The following PTPRD variants were observed in gnomAD, a reference collection of about 807,000 sequenced individuals.
PTPRD encodes protein tyrosine phosphatase receptor type D.
Under a neutral mutation model 214.5 loss-of-function variants are expected in PTPRD, and 34 were observed. That is an observed-to-expected ratio of 0.16 (90% confidence interval 0.12 to 0.21). The LOEUF is 0.21. Ranked by LOEUF, PTPRD falls within the 10% of genes least tolerant of loss-of-function variation. PTPRD has a pLI of 1.00. For missense variants in PTPRD, 2,545 were observed against 2,398.7 expected (o/e 1.06, Z -1.27); for synonymous variants, 1,128 against 845.7 (o/e 1.33, Z -5.79).
chr9:8,500,050 CAAAAAA>C (rs34424655), intron 24 of PTPRD, among the ~76,000 whole-genome samples: 2 of 78,338 alleles, frequency 2.6e-5, no homozygotes, highest in African/African-American at 9.9e-5. Flanking sequence ...ATGACCGATG[CAAAAAA>C]AAAAAAAAAA....
chr9:10,183,730 T>C (rs553969061), intron 3 of PTPRD, among the ~76,000 whole-genome samples: 3 of 152,236 alleles, frequency 2.0e-5, no homozygotes, highest in East Asian at 1.9e-4. Flanking sequence ...CAAGAAACAA[T>C]TGTAAAGTTA....
intron 3 of PTPRD, among the ~76,000 whole-genome samples, chr9:10,284,572 G>C (rs1462253041): frequency 6.6e-6 from 1 of 152,174 alleles, no homozygotes; most frequent in Non-Finnish European, 1.5e-5. Flanking sequence ...ATAATACTAT[G>C]TTATTATCTC....
chr9:8,829,799 T>G (rs2097252836), intron 11 of PTPRD, among the ~76,000 whole-genome samples: 1 of 152,302 alleles, frequency 6.6e-6, no homozygotes, highest in South Asian at 2.1e-4. Context: ...AACCATAATC[T>G]TCAGCAGGTC....
intron 4 of PTPRD, among the ~76,000 whole-genome samples, chr9:10,020,259 C>G (rs2096822441): frequency 6.6e-6 from 1 of 152,182 alleles, no homozygotes; most frequent in African/African-American, 2.4e-5. Flanking sequence ...CCGCACAATA[C>G]TATCCCCTAG....
At chr9:9,842,226 T>C (rs1318294584) in intron 5 of PTPRD, among the ~76,000 whole-genome samples, 1 of 151,754 alleles carries the variant, frequency 6.6e-6, no homozygotes, top group Non-Finnish European at 1.5e-5. Flanking sequence ...ACACTTATGG[T>C]TGTCTTTTTA....
At chr9:9,772,684 A>C (rs1597377504) in intron 5 of PTPRD, among the ~76,000 whole-genome samples, 2 of 141,344 alleles carry the variant, frequency 1.4e-5, no homozygotes, top group South Asian at 5.0e-4. Context: ...CTGTCTATAT[A>C]AAGTAAATAT....
chr9:9,676,531 G>A (rs1048623127), intron 7 of PTPRD, among the ~76,000 whole-genome samples: 1 of 151,980 alleles, frequency 6.6e-6, no homozygotes, highest in African/African-American at 2.4e-5. Context: ...TACCATTGAT[G>A]GACATTTGGC....
chr9:10,524,900 T>TA (rs1198505310), intron 2 of PTPRD, among the ~76,000 whole-genome samples: 1 of 151,438 alleles, frequency 6.6e-6, no homozygotes, highest in Non-Finnish European at 1.5e-5. Flanking sequence ...GGGTAAATTG[T>TA]AAAAACAAAC....
At chr9:8,570,538 G>C (rs1024218864) in intron 14 of PTPRD, among the ~76,000 whole-genome samples, 1 of 152,126 alleles carries the variant, frequency 6.6e-6, no homozygotes, top group Non-Finnish European at 1.5e-5. Flanking sequence ...ACACTTAAGA[G>C]AGGTAGGTTT....
intron 14 of PTPRD, among the ~76,000 whole-genome samples, chr9:8,627,052 G>C (rs920083017): frequency 2.6e-5 from 4 of 151,646 alleles, no homozygotes; most frequent in African/African-American, 9.7e-5. Flanking sequence ...AGTTAGCTCT[G>C]TCTCACAGAC....
At chr9:9,077,812 G>T (rs951619148) in intron 10 of PTPRD, among the ~76,000 whole-genome samples, 2 of 151,994 alleles carry the variant, frequency 1.3e-5, no homozygotes, top group South Asian at 2.1e-4. Context: ...GAAAGGGAAT[G>T]ACCCCAGCTT....
At chr9:8,669,620 T>A (rs1265606894) in intron 12 of PTPRD, among the ~76,000 whole-genome samples, 1 of 152,128 alleles carries the variant, frequency 6.6e-6, no homozygotes. Flanking sequence ...CCCCAACTCA[T>A]GCAAATCTGG....
intron 8 of PTPRD, among the ~76,000 whole-genome samples, chr9:9,528,942 T>C (rs1318200446): frequency 9.9e-5 from 14 of 141,236 alleles, no homozygotes; most frequent in African/African-American, 3.4e-4. Context: ...TTGTTTCTTT[T>C]TTTTTTTTTT....
intron 3 of PTPRD, among the ~76,000 whole-genome samples, chr9:10,264,868 T>C (rs1356828849): frequency 6.6e-6 from 1 of 152,076 alleles, no homozygotes; most frequent in Non-Finnish European, 1.5e-5. Context: ...CAGGGGGAGA[T>C]AATTGAATCA....
At chr9:10,335,483 C>T (rs2096828670) in intron 3 of PTPRD, among the ~76,000 whole-genome samples, 1 of 151,658 alleles carries the variant, frequency 6.6e-6, no homozygotes. Flanking sequence ...AAAGCCAAAA[C>T]TATGAAACTC....
At chr9:8,964,046 G>C (rs950511722) in intron 11 of PTPRD, among the ~76,000 whole-genome samples, 1 of 151,948 alleles carries the variant, frequency 6.6e-6, no homozygotes, top group Non-Finnish European at 1.5e-5. Flanking sequence ...TTTCATATCA[G>C]GGTGATGCTG....
chr9:8,625,990 T>A (rs757229328), intron 14 of PTPRD, among the ~76,000 whole-genome samples: 1 of 151,828 alleles, frequency 6.6e-6, no homozygotes. Flanking sequence ...TAATAAGATA[T>A]AATAAGTTAC....
At chr9:9,709,125 T>C (rs2097680127) in intron 7 of PTPRD, among the ~76,000 whole-genome samples, 1 of 152,018 alleles carries the variant, frequency 6.6e-6, no homozygotes, top group Non-Finnish European at 1.5e-5. Context: ...AGGTAAGAAC[T>C]TGTGGTTTTG....
rs1043730393 is a variant in PTPRD, at chr9:10,612,720, G to C, written c.-740C>G. 1 of 152,660 alleles carries C rather than the reference G, an allele frequency of 6.6e-6. No individual in the cohort carries two copies. The highest frequency in any genetic ancestry group is 2.4e-5 in the African/African-American group (1 of 41,476). 9.5% of individuals were successfully genotyped at this position (152,660 alleles called of 1,614,324 possible). ...CTCCCCGCCGAGGCTGGCTGGCGGC[G>C]CCGCGCCGGAGGGGAGGAGGCTCGG... On this transcript the variant is annotated 5_prime_UTR_variant, in exon 1 of 46. Coordinates refer to ENST00000381196, the MANE Select transcript of PTPRD (RefSeq NM_002839.4).
Sources: allele counts gnomAD v4.1 joint callset (sites outside exome capture counted in the v4.1 genomes callset), GRCh38; gene constraint gnomAD v4.1.1; transcripts MANE v1.5; gene names NCBI Gene and HGNC (gene_info 2026-07-23, HGNC 2026-07-21).